NR1H3: variants seen among roughly 807,000 people sequenced by gnomAD.
The protein encoded by NR1H3 is oxysterols receptor LXR-alpha.
In NR1H3, 19 loss-of-function variants were observed where a neutral mutation model predicts 48.1. The observed-to-expected ratio is 0.40, with a 90% CI of 0.28 to 0.58. NR1H3 has a LOEUF of 0.58. Among genes scored for constraint, NR1H3 ranks in the 20% least tolerant of loss-of-function variants. The pLI is 0.50. For missense variants in NR1H3, 486 were observed against 595.9 expected, an observed-to-expected ratio of 0.82 and a Z score of 1.92; for synonymous variants, 232 against 227.3, an observed-to-expected ratio of 1.02 and a Z score of -0.19.
In NR1H3 at chr11:47,261,950, A is replaced by G. The variant is rs767655483; in HGVS notation, c.920A>G (p.Asn307Ser). The change falls in exon 7 of 10, where the codon AAC becomes AGC. Residue 307 changes from asparagine (N) to serine (S), a missense_variant. Asn to Ser is a conservative substitution (Grantham distance 46). Transcript: ENST00000441012. ...VMLLETSRRY[N>S]PGSESITFLK... is the part of the protein sequence containing the mutation. Reference sequence around the variant, plus strand: ...CTTCTGGAGACATCTCGGAGGTACAACCCTGGGAGTGAGAGTATCACCTTC... The same window carrying G: ...CTTCTGGAGACATCTCGGAGGTACAGCCCTGGGAGTGAGAGTATCACCTTC... 52 of 1,614,024 alleles carry G rather than the reference A, an allele frequency of 3.2e-5. No homozygotes were observed. Among genetic ancestry groups the G allele is most frequent in the Non-Finnish European group, 4.2e-5 (49 of 1,179,984 alleles).
At chr11:47,257,183 C>G (rs1955263204), upstream of NR1H3, among the ~76,000 whole-genome samples, 1 of 152,094 alleles carries the variant, frequency 6.6e-6, no homozygotes, top group Admixed American at 6.5e-5. Context: ...ATTTCATGCC[C>G]CAGGCAGCAG....
At chr11:47,257,598 C>A, upstream of NR1H3, 1 of 956,350 alleles carries the variant, frequency 1.0e-6, no homozygotes. Flanking sequence ...GGCTCAGTGT[C>A]GCAATTCCGG....
chr11:47,261,842 A>G, intron 6 of NR1H3, 77 bp from the exon 7 acceptor site: 1 of 1,593,660 alleles, frequency 6.3e-7, no homozygotes, highest in Non-Finnish European at 8.6e-7. Context: ...GATGAGGAGA[A>G]TCGGCCTCCC....
At chr11:47,251,598 C>CGA (rs1954661503) in intron 1 of NR1H3, among the ~76,000 whole-genome samples, 1 of 151,552 alleles carries the variant, frequency 6.6e-6, no homozygotes, top group African/African-American at 2.4e-5. Flanking sequence ...GGCAACAGAG[C>CGA]GAGACTCTGT....
Position 47,260,253 on chromosome 11 carries a change from C to T in NR1H3, c.233-156C>T, listed in dbSNP as rs369365614. ...ATACAGTACCTAGAACATAATGGCACTTGGCAAATGAGGGCTACTCTTCTC... is the reference window on the plus strand; with the variant it reads ...ATACAGTACCTAGAACATAATGGCATTTGGCAAATGAGGGCTACTCTTCTC... On this transcript the variant is annotated intron_variant, in intron 3 of 9. Coordinates refer to ENST00000441012, the MANE Select transcript of NR1H3 (RefSeq NM_005693.4). 173 of 1,058,446 alleles carry T rather than the reference C, an allele frequency of 1.6e-4. 1 individual carries two copies. The African/African-American group carries it at 2.2e-3, about 13-fold the overall frequency. The allele number at this position is 1,058,446 out of a possible 1,614,324, so 65.6% of individuals were successfully genotyped here. A position where few individuals can be genotyped will look rare whatever the true frequency, so the allele number is the denominator to read the frequency against.
At chr11:47,255,545 C>CTTTCTTTCTT (rs1441260805), upstream of NR1H3, among the ~76,000 whole-genome samples, 126 of 99,776 alleles carry the variant, frequency 1.3e-3, no homozygotes, top group African/African-American at 4.4e-3. Flanking sequence ...CTTTCTTTTT[C>CTTTCTTTCTT]TTTCTTTCTT....
At position 47,265,887 on chromosome 11, in the gene NR1H3, T is replaced by A. The variant is rs75013144; in HGVS notation, c.989-2026T>A. Among the ~76,000 whole-genome samples the A allele has an allele frequency of 6.6e-3, 1,005 of 152,282 alleles. 12 individuals are homozygous for A. The highest frequency in any genetic ancestry group is 0.027 in the Middle Eastern group (8 of 294). ...CTCTTTGTCTCAAAAAAAATTTTTT[T>A]ATTTATTTTACAAACACTTATGTGG... On this transcript the variant is annotated intron_variant, in intron 7 of 9. Coordinates refer to ENST00000441012, the MANE Select transcript of NR1H3 (RefSeq NM_005693.4).
rs780034805 is a variant in NR1H3, at chr11:47,261,720, G to A, written c.882G>A (p.Ala294=). 5.6e-5 allele frequency: 91 copies of A among 1,613,944 alleles called. No individual in the cohort carries two copies. The highest frequency in any genetic ancestry group is 7.4e-5 in the Non-Finnish European group (87 of 1,180,054). The part of the protein sequence containing the change: ...EDQIALLKTS[A]IEVMLLETSR... ...AGATTGCCCTGCTGAAGACCTCTGC[G>A]ATCGAGGTGGCTGGAGAAGGGCAAG... Residue 294 remains alanine, a synonymous_variant, in exon 6 of 10, where the codon GCG becomes GCA. Coordinates refer to ENST00000441012, the MANE Select transcript of NR1H3 (RefSeq NM_005693.4).
intron 8 of NR1H3, 29 bp downstream of exon 8, chr11:47,268,055 A>G (rs1957024450): frequency 6.4e-7 from 1 of 1,562,630 alleles, no homozygotes; most frequent in Admixed American, 1.7e-5. Context: ...GGGAAACAGC[A>G]AGAGACTTAC....
chr11:47,262,161 C>T, intron 7 of NR1H3, 143 bp downstream of exon 7: 1 of 622,590 alleles, frequency 1.6e-6, no homozygotes, highest in Admixed American at 2.9e-5. Context: ...GGGCAGATCA[C>T]CAGGTCAGTA....
At chr11:47,248,766 C>A, upstream of NR1H3, 1 of 1,600,312 alleles carries the variant, frequency 6.2e-7, no homozygotes, top group Non-Finnish European at 8.5e-7. Context: ...CCGCCCGGCT[C>A]CAGCCGGACC....
upstream of NR1H3, among the ~76,000 whole-genome samples, chr11:47,255,611 C>T (rs924069778): frequency 4.1e-5 from 5 of 122,934 alleles, no homozygotes; most frequent in African/African-American, 1.7e-4. Context: ...CTCTCTCTCT[C>T]TCTCTCTTTC....
chr11:47,252,919 G>A (rs1227134088), intron 1 of NR1H3, among the ~76,000 whole-genome samples: 1 of 149,496 alleles, frequency 6.7e-6, no homozygotes, highest in Non-Finnish European at 1.5e-5. Flanking sequence ...TTGTTTGTTT[G>A]AGCTTGAGCT....
upstream of NR1H3, among the ~76,000 whole-genome samples, chr11:47,254,943 C>T (rs1954952427): frequency 1.3e-5 from 2 of 152,212 alleles, no homozygotes; most frequent in Admixed American, 1.3e-4. Flanking sequence ...CTTGCCCTGG[C>T]CCCCGTCCTT....
At chr11:47,263,811 C>T (rs1778023540) in intron 7 of NR1H3, among the ~76,000 whole-genome samples, 1 of 151,978 alleles carries the variant, frequency 6.6e-6, no homozygotes, top group South Asian at 2.1e-4. Flanking sequence ...CTGTTTTGCC[C>T]AGGCTGGTCT....
At chr11:47,248,460 C>G, upstream of NR1H3, 1 of 1,546,202 alleles carries the variant, frequency 6.5e-7, no homozygotes, top group Non-Finnish European at 8.7e-7. Flanking sequence ...CATTCAACCA[C>G]TTCCCTGTCT....
chr11:47,268,384 T>C, intron 9 of NR1H3, 29 bp downstream of exon 9: 1 of 1,607,924 alleles, frequency 6.2e-7, no homozygotes, highest in East Asian at 2.2e-5. Context: ...TTCCTTTTCC[T>C]CCTTCCCACA....
intron 2 of NR1H3, chr11:47,259,517 C>A: frequency 6.6e-7 from 1 of 1,519,596 alleles, no homozygotes; most frequent in Non-Finnish European, 8.8e-7. Flanking sequence ...CCTGCTCTGG[C>A]TTTGAAGAGT....
intron 1 of NR1H3, 40 bp from the exon 2 acceptor site, chr11:47,259,140 G>A (rs372543241): frequency 2.6e-4 from 416 of 1,608,468 alleles, no homozygotes; most frequent in Middle Eastern, 1.5e-3. Context: ...CCAGAAAGGA[G>A]CCCAGTTCTA....
Sources: allele counts gnomAD v4.1 joint callset (sites outside exome capture counted in the v4.1 genomes callset), GRCh38; gene constraint gnomAD v4.1.1; transcripts MANE v1.5; gene names NCBI Gene and HGNC (gene_info 2026-07-23, HGNC 2026-07-21).